Variants in ZDHHC2 observed in about 807,000 individuals in gnomAD.
ZDHHC2 encodes the protein zDHHC palmitoyltransferase 2, also known as palmitoyltransferase ZDHHC2.
ZDHHC2 carries 51 observed loss-of-function variants against 55.6 expected under a neutral mutation model. The observed-to-expected ratio is 0.92, with a 90% CI of 0.73 to 1.16. ZDHHC2 has a LOEUF of 1.16. Ranked by LOEUF, ZDHHC2 falls within the 50% of genes most tolerant of loss-of-function variation. ZDHHC2 has a pLI of 0.00. For synonymous variants in ZDHHC2, 199 were observed against 152.9 expected, an observed-to-expected ratio of 1.30 and a Z score of -2.22; for missense variants, 491 against 442.4, an observed-to-expected ratio of 1.11 and a Z score of -0.99.
intron 10 of ZDHHC2, among the ~76,000 whole-genome samples, chr8:17,210,760 AG>A (rs1475626624): frequency 6.6e-6 from 1 of 152,170 alleles, no homozygotes; most frequent in Non-Finnish European, 1.5e-5. Context: ...AGTGCTTAAA[AG>A]AAAAAAAAAT....
At chr8:17,158,365 G>A (rs539232575) in intron 1 of ZDHHC2, among the ~76,000 whole-genome samples, 2 of 152,166 alleles carry the variant, frequency 1.3e-5, no homozygotes, top group South Asian at 4.1e-4. Context: ...TGCAAAGAAG[G>A]GACATCCTAG....
chr8:17,178,418 A>G (rs2904665), intron 1 of ZDHHC2, among the ~76,000 whole-genome samples: 43,359 of 152,024 alleles, frequency 0.29, 8,290 homozygotes, highest in East Asian at 0.61. Context: ...CACACATCCT[A>G]TTAAATCTTT....
Position 17,207,990 on chromosome 8 carries a change from CA to C in ZDHHC2, c.629del (p.His210LeufsTer26). 6.3e-7 allele frequency: 1 copy of C among 1,585,322 alleles called. No individual in the cohort carries two copies. The highest frequency in any genetic ancestry group is 8.6e-7 in the Non-Finnish European group (1 of 1,165,088). ...CCTACCTGATACTCAAGCCAAGTTC[CA>C]TATTATGTTTTTATTCTTTGCTGCA... Reference protein sequence around the residue: ...NGLPDTQAKFHIMFLFFAAAM... With the variant: ...NGLPDTQAKFXIMFLFFAAAM... On this transcript the variant is annotated frameshift_variant, in exon 8 of 13. Coordinates refer to ENST00000262096, the MANE Select transcript of ZDHHC2 (RefSeq NM_016353.5). LOFTEE classifies it high-confidence loss of function.
chr8:17,191,193 C>T (rs1806009400), intron 3 of ZDHHC2, among the ~76,000 whole-genome samples: 2 of 151,960 alleles, frequency 1.3e-5, no homozygotes, highest in Admixed American at 6.6e-5. Flanking sequence ...AACTCCTGAC[C>T]TCGTGATCCG....
At chr8:17,198,524 A>G (rs2150926143) in intron 6 of ZDHHC2, 111 bp downstream of exon 6, 3 of 1,012,998 alleles carry the variant, frequency 3.0e-6, no homozygotes, top group Non-Finnish European at 4.1e-6. Flanking sequence ...GAGTTGACAT[A>G]GCAGGAACTT....
intron 1 of ZDHHC2, among the ~76,000 whole-genome samples, chr8:17,167,992 A>G (rs1489384653): frequency 2.6e-5 from 4 of 152,162 alleles, no homozygotes; most frequent in African/African-American, 9.6e-5. Context: ...ATTTAAAAAG[A>G]CCTTCTAACA....
chr8:17,184,076 G>C (rs1805575817), intron 1 of ZDHHC2, among the ~76,000 whole-genome samples: 1 of 152,164 alleles, frequency 6.6e-6, no homozygotes, highest in Non-Finnish European at 1.5e-5. Context: ...AAAGACTCTA[G>C]TACAAAGAGA....
intron 1 of ZDHHC2, among the ~76,000 whole-genome samples, chr8:17,176,932 G>C (rs1437910040): frequency 6.6e-6 from 1 of 151,994 alleles, no homozygotes; most frequent in East Asian, 1.9e-4. Context: ...GAAGAAAAGG[G>C]TACCATTGCA....
chr8:17,157,528 C>T (rs1023983073), intron 1 of ZDHHC2: 1 of 152,168 alleles, frequency 6.6e-6, no homozygotes, highest in Non-Finnish European at 1.5e-5. Flanking sequence ...GTTTTTACAT[C>T]CAGAGAGCGA....
intron 3 of ZDHHC2, among the ~76,000 whole-genome samples, chr8:17,193,844 G>A (rs771080457): frequency 1.3e-5 from 2 of 151,978 alleles, no homozygotes; most frequent in East Asian, 1.9e-4. Context: ...AGGTATACAC[G>A]TGCCATGGTG....
chr8:17,213,411 C>T (rs1016796418), intron 10 of ZDHHC2, among the ~76,000 whole-genome samples: 1 of 151,888 alleles, frequency 6.6e-6, no homozygotes, highest in Non-Finnish European at 1.5e-5. Context: ...ACCACAATGC[C>T]CGGCTAATTT....
chr8:17,197,422 C>T (rs1367863354), intron 4 of ZDHHC2, among the ~76,000 whole-genome samples, 160 bp from the exon 5 acceptor site: 2 of 152,088 alleles, frequency 1.3e-5, no homozygotes, highest in Non-Finnish European at 2.9e-5. Context: ...GCAAGTCATT[C>T]CATTTTTGTA....
chr8:17,202,080 C>T (rs761966707), intron 6 of ZDHHC2, among the ~76,000 whole-genome samples: 10 of 152,126 alleles, frequency 6.6e-5, no homozygotes, highest in Non-Finnish European at 1.5e-4. Context: ...ATTAATAATA[C>T]TTTCACATGC....
At chr8:17,198,517 T>G (rs1158448504) in intron 6 of ZDHHC2, 104 bp downstream of exon 6, 11 of 1,091,810 alleles carry the variant, frequency 1.0e-5, no homozygotes, top group Non-Finnish European at 1.1e-5. Context: ...ATTACTTGAG[T>G]TGACATAGCA....
At chr8:17,199,491 T>TCTTCGTCTTCG (rs1806524908) in intron 6 of ZDHHC2, among the ~76,000 whole-genome samples, 1 of 37,354 alleles carries the variant, frequency 2.7e-5, no homozygotes, top group African/African-American at 8.1e-5. Flanking sequence ...CTTCTTCTTC[T>TCTTCGTCTTCG]TCTTCTTCTT....
chr8:17,210,559 G>A, intron 10 of ZDHHC2, 79 bp downstream of exon 10: 7 of 1,182,676 alleles, frequency 5.9e-6, no homozygotes, highest in East Asian at 2.7e-5. Context: ...ATGTTCCTTT[G>A]AAAAAAAATG....
At position 17,158,042 on chromosome 8, in the gene ZDHHC2, T is replaced by C. The variant is rs117183384; in HGVS notation, c.130+1189T>C. 4.5e-4 allele frequency among the ~76,000 whole-genome samples: 68 copies of C among 152,326 alleles called. No homozygotes were observed. In the East Asian group the frequency reaches 0.013, roughly 29 times the overall value. On this transcript the variant is annotated intron_variant, in intron 1 of 12. Transcript: ENST00000262096. ...ACCGAGACTTTTATTTCATATAGTT[T>C]TAAAATTTGCTGTTATTACTTGAAG... is the stretch of plus-strand genomic sequence containing the variant.
At chr8:17,200,490 G>C (rs1450671979) in intron 6 of ZDHHC2, among the ~76,000 whole-genome samples, 1 of 152,188 alleles carries the variant, frequency 6.6e-6, no homozygotes, top group African/African-American at 2.4e-5. Flanking sequence ...GTCATCATAG[G>C]CATAGTGTTG....
chr8:17,163,826 T>C (rs1804473970), intron 1 of ZDHHC2, among the ~76,000 whole-genome samples: 2 of 152,224 alleles, frequency 1.3e-5, no homozygotes, highest in African/African-American at 2.4e-5. Context: ...TTTAATATTA[T>C]GTGGAATTCT....
Sources: gnomAD v4.1 joint callset for allele counts (sites outside exome capture counted in the v4.1 genomes callset) on GRCh38, gnomAD v4.1.1 for gene constraint, MANE v1.5 for transcripts, NCBI Gene and HGNC (gene_info 2026-07-23, HGNC 2026-07-21) for gene names.